The following SLC6A2 variants were observed in gnomAD, a reference collection of about 807,000 sequenced individuals.
SLC6A2 encodes the protein solute carrier family 6 member 2.
In SLC6A2, 26 loss-of-function variants were observed where a neutral mutation model predicts 71.7. The observed-to-expected ratio is 0.36, with a 90% CI of 0.27 to 0.50. The LOEUF is 0.50. Among genes scored for constraint, SLC6A2 ranks in the 20% least tolerant of loss-of-function variants. The probability of loss-of-function intolerance (pLI) is 0.96; values close to 1 mark genes in which losing one functional copy is unlikely to be tolerated. For synonymous variants in SLC6A2, 363 were observed against 337.9 expected, an observed-to-expected ratio of 1.07 and a Z score of -0.82; for missense variants, 581 against 803.9, an observed-to-expected ratio of 0.72 and a Z score of 3.35.
Position 55,703,827 on chromosome 16 carries a change from G to A in SLC6A2, c.*1481G>A. 2 of 985,082 alleles carry A rather than the reference G, an allele frequency of 2.0e-6. No individual in the cohort carries two copies. Among genetic ancestry groups the A allele is most frequent in the Non-Finnish European group, 2.4e-6 (2 of 829,656 alleles). The allele number at this position is 985,082 out of a possible 1,614,324, so 61.0% of individuals were successfully genotyped here. On this transcript the variant is annotated 3_prime_UTR_variant, in exon 15 of 15. Transcript: ENST00000568943. The stretch of plus-strand genomic sequence containing the variant: ...CTCAAATTGGGGTGTTGTTGAGCCT[G>A]GTGGTTCCTGCATGAAGAGGATTAT...
At position 55,699,537 on chromosome 16, in the gene SLC6A2, G is replaced by A; in HGVS notation, c.1490-17G>A. The A allele has an allele frequency of 6.3e-7, 1 of 1,593,916 alleles. No individual in the cohort carries two copies. The highest frequency in any genetic ancestry group is 1.3e-5 in the African/African-American group (1 of 74,668). ...TCATGGGGGCCATGGTAACAGGCCTGCCCTGTGTGTGCACAGGAGTGGACA... is the reference window on the plus strand; with the variant it reads ...TCATGGGGGCCATGGTAACAGGCCTACCCTGTGTGTGCACAGGAGTGGACA... On this transcript the variant is annotated splice_polypyrimidine_tract_variant and intron_variant, in intron 11 of 14. Coordinates refer to ENST00000568943, the MANE Select transcript of SLC6A2 (RefSeq NM_001172501.3).
rs779978438 is a variant in SLC6A2 at position 55,692,034 on chromosome 16, C to T, written c.900C>T (p.Tyr300=). The change falls in exon 6 of 15, where the codon TAC becomes TAT. Residue 300 remains tyrosine (Y), a synonymous_variant. Transcript: ENST00000568943. ...GINAYLHIDF[Y]RLKEATVWID... ...ATGCCTACCTGCACATCGACTTCTACCGCTTGAAAGAGGCCACGGTCAGTG... is the reference window on the plus strand; with the variant it reads ...ATGCCTACCTGCACATCGACTTCTATCGCTTGAAAGAGGCCACGGTCAGTG... 1 of 1,614,184 alleles carries T rather than the reference C, an allele frequency of 6.2e-7. No homozygotes were observed. Among genetic ancestry groups the T allele is most frequent in the Non-Finnish European group, 8.5e-7 (1 of 1,180,038 alleles).
intron 4 of SLC6A2, among the ~76,000 whole-genome samples, chr16:55,682,162 C>A (rs1965294014): frequency 6.6e-6 from 1 of 152,212 alleles, no homozygotes; most frequent in African/African-American, 2.4e-5. Flanking sequence ...CTGCCTTGGC[C>A]TCCCAAAGTG....
chr16:55,683,829 A>G (rs1361509674), intron 4 of SLC6A2, among the ~76,000 whole-genome samples: 2 of 151,896 alleles, frequency 1.3e-5, no homozygotes, highest in African/African-American at 4.8e-5. Context: ...CTAGTCAGTA[A>G]CCCCCTCAAC....
intron 6 of SLC6A2, among the ~76,000 whole-genome samples, chr16:55,693,158 G>A (rs1326496335): frequency 3.3e-5 from 5 of 152,124 alleles, no homozygotes; most frequent in Admixed American, 6.5e-5. Context: ...AGGCTGAGGC[G>A]GGCGGATCAC....
chr16:55,699,382 C>T lies in SLC6A2; in HGVS notation c.1490-172C>T, dbSNP rs1350866009. On this transcript the variant is annotated intron_variant, in intron 11 of 14. Coordinates refer to ENST00000568943, the MANE Select transcript of SLC6A2 (RefSeq NM_001172501.3). ...AAGGGGATACTGTCCTAGAGTTTGT[C>T]CTCTCCCTCATTCTGCATTACAAAG... is the stretch of plus-strand genomic sequence containing the variant. Among the ~76,000 whole-genome samples, 6 of 152,170 alleles carry T rather than the reference C, an allele frequency of 3.9e-5. 1 individual carries two copies. The highest frequency in any genetic ancestry group is 3.9e-4 in the Admixed American group (6 of 15,282).
chr16:55,679,063 A>G (rs1965186275), intron 4 of SLC6A2, among the ~76,000 whole-genome samples: 2 of 152,194 alleles, frequency 1.3e-5, no homozygotes, highest in South Asian at 4.1e-4. Flanking sequence ...GGCAAGTTTC[A>G]GGGCAAGGAT....
At chr16:55,687,125 G>T (rs1437005522) in intron 5 of SLC6A2, among the ~76,000 whole-genome samples, 1 of 942 alleles carries the variant, frequency 1.1e-3, no homozygotes. Flanking sequence ...GAACATATGT[G>T]TGTGTCCCCA....
intron 4 of SLC6A2, among the ~76,000 whole-genome samples, chr16:55,684,905 C>T (rs994197740): frequency 5.3e-5 from 8 of 152,284 alleles, no homozygotes; most frequent in South Asian, 4.1e-4. Context: ...CAGCCATGAG[C>T]GTGGAATCTC....
intron 2 of SLC6A2, among the ~76,000 whole-genome samples, chr16:55,668,301 A>T (rs1964809067): frequency 6.6e-6 from 1 of 152,166 alleles, no homozygotes; most frequent in South Asian, 2.1e-4. Flanking sequence ...CATATCTGTA[A>T]AATGGAAATA....
intron 4 of SLC6A2, among the ~76,000 whole-genome samples, chr16:55,676,134 A>G (rs561145250): frequency 1.3e-5 from 2 of 152,298 alleles, no homozygotes; most frequent in East Asian, 3.9e-4. Flanking sequence ...TGTAAAAATT[A>G]TGTGTTTTAG....
chr16:55,663,098 AG>A (rs1964654202), intron 2 of SLC6A2, among the ~76,000 whole-genome samples: 1 of 152,154 alleles, frequency 6.6e-6, no homozygotes, highest in African/African-American at 2.4e-5. Flanking sequence ...TCTATAAATC[AG>A]GGTTCCCCCC....
rs138776488 is a variant in SLC6A2 at position 55,678,932 on chromosome 16, T to C, written c.645-6211T>C. On this transcript the variant is annotated intron_variant, in intron 4 of 14. Coordinates refer to ENST00000568943, the MANE Select transcript of SLC6A2 (RefSeq NM_001172501.3). ...GTGTAAGCTTGGGAGTCCAGATCTT[T>C]TCACTGATGAAATACCTAGACAACC... 7.9e-5 allele frequency among the ~76,000 whole-genome samples: 12 copies of C among 152,322 alleles called. No individual in the cohort carries two copies. In the East Asian group the frequency reaches 2.3e-3, roughly 29 times the overall value.
In SLC6A2 at chr16:55,702,355, G is replaced by A; in HGVS notation, c.*9G>A. 2 of 1,614,208 alleles carry A rather than the reference G, an allele frequency of 1.2e-6. No homozygotes were observed. The highest frequency in any genetic ancestry group is 1.7e-6 in the Non-Finnish European group (2 of 1,180,028). ...ACTGGCTGGCCATCTGAGCCTGCCT[G>A]GAGGAGAAGGAGGAACCCCCATGCC... On this transcript the variant is annotated 3_prime_UTR_variant, in exon 15 of 15. Transcript: ENST00000568943.
At position 55,693,982 on chromosome 16, in the gene SLC6A2, G is replaced by A. The variant is rs552858594; in HGVS notation, c.919-28G>A. On this transcript the variant is annotated intron_variant, in intron 6 of 14. Transcript: ENST00000568943. Reference sequence around the variant, plus strand: ...TGTTCCAGTGTTGTAGGAAGCAGAGGCTGATGGCTTTTGTCTGCTGGTTTC... The same window carrying A: ...TGTTCCAGTGTTGTAGGAAGCAGAGACTGATGGCTTTTGTCTGCTGGTTTC... 9.7e-6 allele frequency: 14 copies of A among 1,438,386 alleles called. No homozygotes were observed. The South Asian group carries it at 1.5e-4, about 15-fold the overall frequency. The allele number at this position is 1,438,386 out of a possible 1,614,324, so 89.1% of individuals were successfully genotyped here.
chr16:55,691,112 A>G (rs1020230866), intron 5 of SLC6A2, among the ~76,000 whole-genome samples: 17 of 151,796 alleles, frequency 1.1e-4, no homozygotes, highest in African/African-American at 3.9e-4. Flanking sequence ...GGGTAAAGAA[A>G]AAAAGGAAGA....
At chr16:55,678,973 G>A (rs1965183386) in intron 4 of SLC6A2, among the ~76,000 whole-genome samples, 1 of 152,196 alleles carries the variant, frequency 6.6e-6, no homozygotes, top group Non-Finnish European at 1.5e-5. Flanking sequence ...AACCCTGAAA[G>A]TGGACTTTGA....
chr16:55,679,662 C>T (rs1965206677), intron 4 of SLC6A2, among the ~76,000 whole-genome samples: 1 of 152,164 alleles, frequency 6.6e-6, no homozygotes, highest in Non-Finnish European at 1.5e-5. Flanking sequence ...AGAAGTTAGC[C>T]AGGCAGACAA....
chr16:55,668,107 G>T (rs1471536960), intron 2 of SLC6A2, among the ~76,000 whole-genome samples: 1 of 151,798 alleles, frequency 6.6e-6, no homozygotes. Context: ...CCCCACCACT[G>T]ATCCATCTTC....
Sources: allele counts gnomAD v4.1 joint callset (sites outside exome capture counted in the v4.1 genomes callset), GRCh38; gene constraint gnomAD v4.1.1; transcripts MANE v1.5; gene names NCBI Gene and HGNC (gene_info 2026-07-23, HGNC 2026-07-21).